Variants in PHTF1 observed in about 807,000 individuals in gnomAD.
PHTF1 encodes putative homeodomain transcription factor 1.
A neutral mutation model predicts 102.4 loss-of-function variants in PHTF1; 88 were observed. The ratio of observed to expected loss-of-function variants is 0.86; its 90% confidence interval spans 0.72 to 1.03. The LOEUF (loss-of-function observed/expected upper bound fraction) is 1.03. PHTF1 is among the 50% of genes least tolerant of loss of function. The pLI is 0.00. For missense variants in PHTF1, 814 were observed against 909.5 expected (o/e 0.89, Z 1.35); for synonymous variants, 289 against 305.2 (o/e 0.95, Z 0.55).
intron 7 of PHTF1, among the ~76,000 whole-genome samples, chr1:113,715,513 T>C (rs1193007970): frequency 6.6e-6 from 1 of 151,640 alleles, no homozygotes; most frequent in Non-Finnish European, 1.5e-5. Context: ...CTGGGTGCAA[T>C]GGCATGTGCC....
chr1:113,733,538 T>C (rs998428110), intron 5 of PHTF1, among the ~76,000 whole-genome samples: 2 of 152,130 alleles, frequency 1.3e-5, no homozygotes, highest in Admixed American at 6.5e-5. Context: ...TATTAGGAGA[T>C]GGGGCCTTTG....
chr1:113,710,791 G>GATATATAT (rs370631673), intron 10 of PHTF1, among the ~76,000 whole-genome samples: 13 of 104,772 alleles, frequency 1.2e-4, no homozygotes, highest in African/African-American at 5.0e-4. Flanking sequence ...ATCACACCCG[G>GATATATAT]ATATATATAT....
intron 3 of PHTF1, chr1:113,746,752 G>C: frequency 3.6e-6 from 1 of 276,246 alleles, no homozygotes; most frequent in Non-Finnish European, 5.5e-6. Flanking sequence ...TGTATTATTT[G>C]GTTTTGGAGG....
chr1:113,733,105 A>G lies in PHTF1; in HGVS notation c.331+5005T>C, dbSNP rs967649762. On this transcript the variant is annotated intron_variant, in intron 5 of 18. Coordinates refer to ENST00000369604, the MANE Select transcript of PHTF1 (RefSeq NM_001323043.2). ...TTTTTTGTAGAGATGGGATCTCGCT[A>G]TGTTTCCCAGGCTGGTCTCAAACTC... 3.6e-5 allele frequency among the ~76,000 whole-genome samples: 4 copies of G among 111,238 alleles called. No individual in the cohort carries two copies. In the East Asian group the frequency reaches 7.8e-4, roughly 22 times the overall value. The allele number at this position is 111,238 out of a possible 152,430, so 73.0% of individuals were successfully genotyped here.
intron 3 of PHTF1, among the ~76,000 whole-genome samples, chr1:113,743,871 C>G (rs1557964202): frequency 1.3e-5 from 2 of 152,208 alleles, no homozygotes; most frequent in South Asian, 4.1e-4. Flanking sequence ...TTATTATCCT[C>G]ACTTTACGGA....
intron 3 of PHTF1, among the ~76,000 whole-genome samples, chr1:113,745,185 T>C (rs1657038387): frequency 6.6e-6 from 1 of 151,952 alleles, no homozygotes; most frequent in Non-Finnish European, 1.5e-5. Flanking sequence ...GAGGTAAACT[T>C]GTGAGATGAG....
In PHTF1 at chr1:113,738,156, G is replaced by A. The variant is rs574995448; in HGVS notation, c.285C>T (p.Thr95=). The part of the protein sequence containing the change: ...PLFSNWWIQV[T]SLRIFVWLLL... ...ACAGCCAAACAAAGATTCTTAAAGAGGTAACCTGAATCCACCAATTGCTGA... is the reference window on the plus strand; with the variant it reads ...ACAGCCAAACAAAGATTCTTAAAGAAGTAACCTGAATCCACCAATTGCTGA... Residue 95 remains threonine (T), a synonymous_variant, in exon 5 of 19, where the codon ACC becomes ACT. Coordinates refer to ENST00000369604, the MANE Select transcript of PHTF1 (RefSeq NM_001323043.2). 6.2e-7 allele frequency: 1 copy of A among 1,612,392 alleles called. No individual in the cohort carries two copies. Among genetic ancestry groups the A allele is most frequent in the South Asian group, 1.1e-5 (1 of 90,980 alleles).
At chr1:113,736,887 A>G (rs1655580958) in intron 5 of PHTF1, among the ~76,000 whole-genome samples, 1 of 152,240 alleles carries the variant, frequency 6.6e-6, no homozygotes, top group Non-Finnish European at 1.5e-5. Flanking sequence ...ATTATAGGCC[A>G]TGGTAAGAAC....
In PHTF1 at chr1:113,706,164, T is replaced by C; in HGVS notation, c.1399-2A>G. 1.3e-6 allele frequency: 2 copies of C among 1,587,472 alleles called. No homozygotes were observed. Among genetic ancestry groups the C allele is most frequent in the South Asian group, 1.2e-5 (1 of 86,632 alleles). On this transcript the variant is annotated splice_acceptor_variant, in intron 12 of 18. Coordinates refer to ENST00000369604, the MANE Select transcript of PHTF1 (RefSeq NM_001323043.2). LOFTEE classifies it high-confidence loss of function. ...TACTCCTTGCTGATAGGCATTGACC[T>C]GTGAATTAATTTAAAATTTCCACCA...
At position 113,698,391 on chromosome 1, in the gene PHTF1, C is replaced by T; in HGVS notation, c.2143-4G>A. 6.2e-7 allele frequency: 1 copy of T among 1,608,044 alleles called. No individual in the cohort carries two copies. The highest frequency in any genetic ancestry group is 8.5e-7 in the Non-Finnish European group (1 of 1,177,206). The stretch of plus-strand genomic sequence containing the variant: ...GTCTAAATGGTGTGTCCAGCTCCTA[C>T]AAAAAACATCAAAGAATTGAAATGA... On this transcript the variant is annotated splice_polypyrimidine_tract_variant and splice_region_variant and intron_variant, in intron 17 of 18. Transcript: ENST00000369604.
At position 113,712,130 on chromosome 1, in the gene PHTF1, A is replaced by G. The variant is rs1483107021; in HGVS notation, c.784-17T>C. 6 of 1,609,678 alleles carry G rather than the reference A, an allele frequency of 3.7e-6. No individual in the cohort carries two copies. Among genetic ancestry groups the G allele is most frequent in the Admixed American group, 3.3e-5 (2 of 59,858 alleles). On this transcript the variant is annotated splice_polypyrimidine_tract_variant and intron_variant, in intron 8 of 18. Transcript: ENST00000369604. ...AAAAGCCTCCTACAAAGAGAACAGC[A>G]ATACCTTCACAGGGGACAGCCCAAA...
chr1:113,748,389 C>T (rs760202751), intron 3 of PHTF1, among the ~76,000 whole-genome samples: 8 of 152,080 alleles, frequency 5.3e-5, no homozygotes, highest in Non-Finnish European at 7.4e-5. Flanking sequence ...TCTGGAACAT[C>T]TATTAGTTGG....
chr1:113,752,192 T>C (rs1658185091), intron 3 of PHTF1, among the ~76,000 whole-genome samples: 1 of 152,118 alleles, frequency 6.6e-6, no homozygotes, highest in African/African-American at 2.4e-5. Flanking sequence ...CTCTAAGCAA[T>C]GTTTTATAGT....
chr1:113,704,210 G>A (rs1325737945), intron 14 of PHTF1, 43 bp from the exon 15 acceptor site: 1 of 1,153,568 alleles, frequency 8.7e-7, no homozygotes, highest in East Asian at 2.4e-5. Context: ...GTTACTGGCA[G>A]ACAGCAACCG....
At position 113,713,368 on chromosome 1, in the gene PHTF1, T is replaced by C; in HGVS notation, c.694A>G (p.Ile232Val). The change falls in exon 8 of 19, where the codon ATC (isoleucine) becomes GTC (valine). Residue 232 changes from isoleucine (I) to valine (V), a missense_variant. Ile to Val is a conservative substitution (Grantham distance 29). Transcript: ENST00000369604. Reference protein sequence around the residue: ...TDNDPSCVHPIIKRRQCRPEI... With the variant: ...TDNDPSCVHPVIKRRQCRPEI... ...GGTCGACATTGTCTCCTCTTAATGATAGGATGGACACAACTTGGGTCATTG... is the reference window on the plus strand; with the variant it reads ...GGTCGACATTGTCTCCTCTTAATGACAGGATGGACACAACTTGGGTCATTG... 2 of 1,605,880 alleles carry C rather than the reference T, an allele frequency of 1.2e-6. No homozygotes were observed. The highest frequency in any genetic ancestry group is 1.7e-6 in the Non-Finnish European group (2 of 1,172,466).
At chr1:113,702,021 T>C (rs1340999081) in intron 15 of PHTF1, among the ~76,000 whole-genome samples, 2 of 151,256 alleles carry the variant, frequency 1.3e-5, no homozygotes, top group Non-Finnish European at 2.9e-5. Context: ...TAAAAAGCAA[T>C]GGAAAAGGTA....
chr1:113,727,789 A>G (rs1372869568), intron 5 of PHTF1, among the ~76,000 whole-genome samples: 1 of 151,930 alleles, frequency 6.6e-6, no homozygotes, highest in Admixed American at 6.6e-5. Flanking sequence ...AACACGGCAA[A>G]ACCCCATCTC....
At chr1:113,752,043 A>G (rs1444897512) in intron 3 of PHTF1, among the ~76,000 whole-genome samples, 1 of 152,256 alleles carries the variant, frequency 6.6e-6, no homozygotes, top group Admixed American at 6.5e-5. Context: ...TCTACCAAAA[A>G]CAAACTTCTG....
chr1:113,722,598 T>C (rs1653133033), intron 7 of PHTF1, among the ~76,000 whole-genome samples: 1 of 151,620 alleles, frequency 6.6e-6, no homozygotes, highest in Non-Finnish European at 1.5e-5. Context: ...TTCACAAAAA[T>C]AGAAAAAACA....
Sources: allele counts gnomAD v4.1 joint callset (sites outside exome capture counted in the v4.1 genomes callset), GRCh38; gene constraint gnomAD v4.1.1; transcripts MANE v1.5; gene names NCBI Gene and HGNC (gene_info 2026-07-23, HGNC 2026-07-21).